The following GRIP2 variants were observed in gnomAD, a reference collection of about 807,000 sequenced individuals.
GRIP2 encodes glutamate receptor-interacting protein 2.
Under a neutral mutation model 108.3 loss-of-function variants are expected in GRIP2, and 58 were observed. The ratio of observed to expected loss-of-function variants is 0.54; its 90% CI spans 0.43 to 0.67. The LOEUF (loss-of-function observed/expected upper bound fraction) is 0.67. GRIP2 is among the 30% of genes least tolerant of loss of function. GRIP2 has a pLI of 0.00. For missense variants in GRIP2, 1,278 were observed against 1,430.6 expected (o/e 0.89, Z 1.72); for synonymous variants, 586 against 598.2 (o/e 0.98, Z 0.30).
In GRIP2 at chr3:14,494,976, T is replaced by G. The variant is rs1693545844; in HGVS notation, c.2837A>C (p.Lys946Thr). Residue 946 changes from lysine to threonine, a missense_variant, in exon 23 of 24, where the codon AAG (lysine) becomes ACG (threonine). Transcript: ENST00000621039. ...ACCAAAGTCATGCCGCATGGGGTCC[T>G]TGTGCAGGGTCACCTGGAAGCAGAA... is the stretch of plus-strand genomic sequence containing the variant. Reference protein sequence around the residue: ...PLEMHKVTLHKDPMRHDFGFS... With the variant: ...PLEMHKVTLHTDPMRHDFGFS... 1.9e-6 allele frequency: 3 copies of G among 1,613,828 alleles called. No individual in the cohort carries two copies. The highest frequency in any genetic ancestry group is 2.5e-6 in the Non-Finnish European group (3 of 1,179,778).
chr3:14,503,131 C>T (rs1693811081), intron 21 of GRIP2, among the ~76,000 whole-genome samples: 1 of 152,216 alleles, frequency 6.6e-6, no homozygotes, highest in Admixed American at 6.5e-5. Flanking sequence ...AACACTCACG[C>T]TTCTACAGGG....
chr3:14,597,140 C>T, the GRIP2 span, among the ~76,000 whole-genome samples: 1 of 152,200 alleles, frequency 6.6e-6, no homozygotes, highest in East Asian at 1.9e-4. Context: ...CCCCTTCACT[C>T]ATCTTTTGGG....
At position 14,493,737 on chromosome 3, in the gene GRIP2, G is replaced by A. The variant is rs764418640; in HGVS notation, c.3060C>T (p.Ser1020=). The change falls in exon 24 of 24, where the codon AGC becomes AGT. Residue 1020 remains serine (S), a synonymous_variant. Coordinates refer to ENST00000621039, the MANE Select transcript of GRIP2 (RefSeq NM_001080423.4). ...TGCTGTGTGCCGTGTGCGGCTTGCG[G>A]CTGATGATCAGCTCCAAGACATCAC... ...EAGDVLELII[S]RKPHTAHSSR... The A allele has an allele frequency of 1.2e-6, 2 of 1,609,728 alleles. No individual in the cohort carries two copies. The highest frequency in any genetic ancestry group is 1.3e-5 in the African/African-American group (1 of 74,912).
In GRIP2 at chr3:14,511,607, G is replaced by A; in HGVS notation, c.1721-128C>T. On this transcript the variant is annotated intron_variant, in intron 14 of 23. Coordinates refer to ENST00000621039, the MANE Select transcript of GRIP2 (RefSeq NM_001080423.4). This position sits in a 1 kb window ranked among gnomAD's most constrained non-coding sequence, Gnocchi z 4.1. ...TCACATCCTGGTCCCACTGCTTCCT[G>A]GCTGGGTGACCGTGAGCAAATCAGC... 2.3e-6 allele frequency: 2 copies of A among 872,586 alleles called. No individual in the cohort carries two copies. The highest frequency in any genetic ancestry group is 2.2e-5 in the Admixed American group (1 of 46,174). The allele number at this position is 872,586 out of a possible 1,614,324, so 54.1% of individuals were successfully genotyped here.
the GRIP2 span, among the ~76,000 whole-genome samples, chr3:14,563,408 C>T: frequency 1.3e-5 from 2 of 151,786 alleles, no homozygotes; most frequent in African/African-American, 4.8e-5. Flanking sequence ...AAAGGCCTCA[C>T]TAAAAAGGTG....
the GRIP2 span, among the ~76,000 whole-genome samples, chr3:14,594,455 C>A: frequency 2.6e-5 from 4 of 152,354 alleles, no homozygotes; most frequent in Admixed American, 2.6e-4. Context: ...TGGCAGCCTT[C>A]CTTCCCTGGG....
upstream of GRIP2, among the ~76,000 whole-genome samples, chr3:14,542,455 T>C (rs903138205): frequency 4.0e-5 from 6 of 150,226 alleles, no homozygotes; most frequent in Non-Finnish European, 9.0e-5. Flanking sequence ...AGATTGGCAA[T>C]TGGAAGCCTT....
chr3:14,571,538 A>T, the GRIP2 span, among the ~76,000 whole-genome samples: 1 of 152,180 alleles, frequency 6.6e-6, no homozygotes, highest in African/African-American at 2.4e-5. Context: ...CAGCAGTTGG[A>T]CAGAAACCAA....
chr3:14,552,678 C>T (rs561460374), intron 1 of GRIP2, among the ~76,000 whole-genome samples: 53 of 151,538 alleles, frequency 3.5e-4, no homozygotes, highest in African/African-American at 1.1e-3. Flanking sequence ...CTGCAACCAC[C>T]GCCTCCCAGG....
At chr3:14,494,675 T>C (rs1023619146) in intron 23 of GRIP2, among the ~76,000 whole-genome samples, 168 bp downstream of exon 23, 1 of 152,168 alleles carries the variant, frequency 6.6e-6, no homozygotes, top group Non-Finnish European at 1.5e-5. Context: ...CTGTGTGTGC[T>C]CAGCCTCTGA....
At chr3:14,550,328 C>G (rs923075919) in intron 1 of GRIP2, among the ~76,000 whole-genome samples, 2 of 152,204 alleles carry the variant, frequency 1.3e-5, no homozygotes, top group Non-Finnish European at 2.9e-5. Flanking sequence ...AAGACTGCTG[C>G]CCCCAGGAAG....
upstream of GRIP2, among the ~76,000 whole-genome samples, chr3:14,546,697 T>C (rs1284953184): frequency 1.3e-5 from 2 of 152,072 alleles, no homozygotes; most frequent in Admixed American, 6.6e-5. Flanking sequence ...GACCCCAAGT[T>C]CATGCAGAGG....
upstream of GRIP2, chr3:14,542,161 TA>T (rs771296295): frequency 3.0e-3 from 3,031 of 1,002,706 alleles, 2 homozygotes; most frequent in Admixed American, 3.9e-3. Flanking sequence ...TTATTTTTTT[TA>T]TTTTTTTTTG....
intron 1 of GRIP2, among the ~76,000 whole-genome samples, chr3:14,526,372 C>T (rs1302922276): frequency 1.3e-5 from 2 of 152,196 alleles, no homozygotes; most frequent in Admixed American, 1.3e-4. Flanking sequence ...GCTTACATAC[C>T]TGCTGGGAGG....
At chr3:14,495,961 C>A (rs1693589393) in intron 22 of GRIP2, among the ~76,000 whole-genome samples, 2 of 151,944 alleles carry the variant, frequency 1.3e-5, no homozygotes, top group South Asian at 4.1e-4. Flanking sequence ...GCCTGGGCAA[C>A]CTGTTGAAAC....
At chr3:14,497,871 G>A (rs942609365) in intron 21 of GRIP2, among the ~76,000 whole-genome samples, 6 of 152,186 alleles carry the variant, frequency 3.9e-5, no homozygotes, top group Admixed American at 1.3e-4. Context: ...TGGAAATGCC[G>A]AGCTCTAAGC....
intron 21 of GRIP2, among the ~76,000 whole-genome samples, chr3:14,500,279 G>A (rs1271079877): frequency 6.6e-6 from 1 of 152,210 alleles, no homozygotes; most frequent in African/African-American, 2.4e-5. Context: ...TGGAGGACAA[G>A]TGTCCAACAT....
At chr3:14,602,531 A>C in the GRIP2 span, among the ~76,000 whole-genome samples, 1 of 151,368 alleles carries the variant, frequency 6.6e-6, no homozygotes, top group Non-Finnish European at 1.5e-5. This position sits in a 1 kb window ranked among gnomAD's most constrained non-coding sequence, Gnocchi z 4.7. Flanking sequence ...TGGAGGGAGC[A>C]GGTGAGGCAC....
intron 1 of GRIP2, among the ~76,000 whole-genome samples, chr3:14,531,467 C>T (rs1382641414): frequency 2.0e-5 from 3 of 152,194 alleles, no homozygotes; most frequent in East Asian, 1.9e-4. Context: ...CCTCATTTTG[C>T]GGGGCTCTGC....
Sources: allele counts gnomAD v4.1 joint callset (sites outside exome capture counted in the v4.1 genomes callset), GRCh38; gene constraint gnomAD v4.1.1; non-coding constraint Gnocchi (gnomAD v3.1); transcripts MANE v1.5; gene names NCBI Gene and HGNC (gene_info 2026-07-23, HGNC 2026-07-21).